ATOSA: variants seen among roughly 807,000 people sequenced by gnomAD.
ATOSA encodes atos homolog A.
chr15:52,694,512 T>C, the ATOSA span, among the ~76,000 whole-genome samples: 8 of 152,176 alleles, frequency 5.3e-5, no homozygotes, highest in African/African-American at 1.9e-4. Flanking sequence ...AAGCAAATAA[T>C]TACCATTTCT....
At chr15:52,639,190 GC>G in the ATOSA span, among the ~76,000 whole-genome samples, 1 of 151,876 alleles carries the variant, frequency 6.6e-6, no homozygotes, top group Non-Finnish European at 1.5e-5. Context: ...AAGTCTTTGG[GC>G]CTGAAAATCA....
the ATOSA span, chr15:52,587,361 C>T: frequency 9.0e-6 from 6 of 669,282 alleles, no homozygotes; most frequent in South Asian, 2.2e-5. Flanking sequence ...AATAGAGATA[C>T]ATTCTATGTT....
At chr15:52,629,614 C>A in the ATOSA span, 1 of 399,648 alleles carries the variant, frequency 2.5e-6, no homozygotes. Flanking sequence ...CTAGCCTGGC[C>A]AACATGGTGA....
chr15:52,609,560 G>A, the ATOSA span: 8 of 1,613,540 alleles, frequency 5.0e-6, no homozygotes, highest in Non-Finnish European at 6.8e-6. Context: ...TCACTTCGAG[G>A]AGTTTCTGGT....
chr15:52,702,038 T>C, the ATOSA span, among the ~76,000 whole-genome samples: 1 of 151,746 alleles, frequency 6.6e-6, no homozygotes, highest in African/African-American at 2.4e-5. Flanking sequence ...ATCAGAGAAA[T>C]GCAAGTCAAA....
chr15:52,610,792 T>C, the ATOSA span, among the ~76,000 whole-genome samples: 3 of 152,368 alleles, frequency 2.0e-5, no homozygotes, highest in South Asian at 2.1e-4. Context: ...GCAGCCTATA[T>C]GTTTACATTA....
chr15:52,673,838 G>A, the ATOSA span, among the ~76,000 whole-genome samples: 1 of 152,132 alleles, frequency 6.6e-6, no homozygotes, highest in Admixed American at 6.5e-5. Flanking sequence ...GGTTAACAGG[G>A]TTGCATTATG....
chr15:52,704,459 G>C, the ATOSA span, among the ~76,000 whole-genome samples: 14 of 152,208 alleles, frequency 9.2e-5, no homozygotes, highest in Admixed American at 5.2e-4. Flanking sequence ...AAGGCTTAAC[G>C]ACTAAAACAC....
At chr15:52,660,421 GAT>G in the ATOSA span, among the ~76,000 whole-genome samples, 1 of 152,112 alleles carries the variant, frequency 6.6e-6, no homozygotes, top group Non-Finnish European at 1.5e-5. Flanking sequence ...TTTGGCCTGG[GAT>G]GTTCTTTCCC....
chr15:52,611,871 T>C, the ATOSA span: 3 of 1,130,130 alleles, frequency 2.7e-6, no homozygotes, highest in Admixed American at 6.8e-5. Context: ...GACATCTGTG[T>C]GAGAAATGAG....
the ATOSA span, chr15:52,586,945 T>C: frequency 1.0e-6 from 1 of 972,172 alleles, no homozygotes; most frequent in Non-Finnish European, 1.4e-6. Context: ...TTCTTAAGTA[T>C]TCACCTTGAT....
the ATOSA span, chr15:52,678,506 G>A: frequency 6.2e-6 from 1 of 160,074 alleles, no homozygotes; most frequent in South Asian, 1.8e-4. Flanking sequence ...CCTGGTGCCT[G>A]GGCGCAGCCA....
At chr15:52,612,132 C>T in the ATOSA span, among the ~76,000 whole-genome samples, 1 of 151,940 alleles carries the variant, frequency 6.6e-6, no homozygotes, top group Non-Finnish European at 1.5e-5. Context: ...TTACAGGTGC[C>T]CGCCAGCACG....
At chr15:52,629,578 C>T in the ATOSA span, 3 of 390,082 alleles carry the variant, frequency 7.7e-6, no homozygotes, top group Non-Finnish European at 1.6e-5. Flanking sequence ...CTGAGGAGGG[C>T]ACATCATGAG....
At chr15:52,703,674 A>T in the ATOSA span, among the ~76,000 whole-genome samples, 1 of 151,884 alleles carries the variant, frequency 6.6e-6, no homozygotes, top group East Asian at 1.9e-4. Flanking sequence ...AATGTGGTAC[A>T]CACACCGGGG....
At chr15:52,615,667 A>G in the ATOSA span, among the ~76,000 whole-genome samples, 2 of 152,220 alleles carry the variant, frequency 1.3e-5, no homozygotes, top group Admixed American at 6.5e-5. Flanking sequence ...GCTCTTTTCC[A>G]GCTTCAGGAA....
chr15:52,647,313 C>G, the ATOSA span, among the ~76,000 whole-genome samples: 3 of 151,880 alleles, frequency 2.0e-5, no homozygotes, highest in African/African-American at 7.3e-5. Context: ...CAGATTAAAC[C>G]TCTCTCCCAA....
At chr15:52,630,438 AATGAAT>A in the ATOSA span, among the ~76,000 whole-genome samples, 1 of 152,238 alleles carries the variant, frequency 6.6e-6, no homozygotes, top group Non-Finnish European at 1.5e-5. Context: ...CTGAAAGGTT[AATGAAT>A]ATAAGATGTA....
At chr15:52,582,380 G>C in the ATOSA span, 26 of 1,300,780 alleles carry the variant, frequency 2.0e-5, no homozygotes, top group Admixed American at 3.3e-5. Flanking sequence ...ATTAAAATTT[G>C]AAAGTAGGAA....
Sources: gnomAD v4.1 joint callset for allele counts (sites outside exome capture counted in the v4.1 genomes callset) on GRCh38, gnomAD v4.1.1 for gene constraint, MANE v1.5 for transcripts, NCBI Gene and HGNC (gene_info 2026-07-23, HGNC 2026-07-21) for gene names.